CEP128: variants seen among roughly 807,000 people sequenced by gnomAD.
CEP128 encodes the protein centrosomal protein 128kDa.
A neutral mutation model predicts 156.7 loss-of-function variants in CEP128; 132 were observed. The ratio of observed to expected loss-of-function variants is 0.84; its 90% CI spans 0.73 to 0.97. The LOEUF (loss-of-function observed/expected upper bound fraction) is 0.97. CEP128 is among the 50% of genes least tolerant of loss of function. The pLI is 0.00. For synonymous variants in CEP128, 469 were observed against 448.9 expected (o/e 1.04, Z -0.57); for missense variants, 1,252 against 1,281.9 (o/e 0.98, Z 0.36).
At chr14:80,489,267 TAAA>T (rs35135843), downstream of CEP128, among the ~76,000 whole-genome samples, 2,815 of 108,030 alleles carry the variant, frequency 0.026, 50 homozygotes, top group Middle Eastern at 0.066. Flanking sequence ...TTGTAAAAGC[TAAA>T]AAAAAAAAAA....
At chr14:80,572,757 G>A (rs576830203) in intron 20 of CEP128, among the ~76,000 whole-genome samples, 12 of 152,286 alleles carry the variant, frequency 7.9e-5, no homozygotes, top group Admixed American at 6.5e-4. Context: ...CAATGCCCAT[G>A]GAGCTCAGAG....
intron 11 of CEP128, among the ~76,000 whole-genome samples, chr14:80,837,426 T>A (rs1595477993): frequency 2.0e-5 from 3 of 152,186 alleles, no homozygotes; most frequent in African/African-American, 7.2e-5. Flanking sequence ...ACTTTAAAAT[T>A]AAGCCTTATC....
intron 13 of CEP128, among the ~76,000 whole-genome samples, chr14:80,794,863 G>A (rs1248305038): frequency 6.6e-6 from 1 of 151,992 alleles, no homozygotes; most frequent in Admixed American, 6.6e-5. Context: ...TGATGCATAA[G>A]CTGAGATTTA....
intron 21 of CEP128, among the ~76,000 whole-genome samples, chr14:80,550,940 AAGAC>A (rs1309147683): frequency 6.6e-6 from 1 of 152,028 alleles, no homozygotes; most frequent in African/African-American, 2.4e-5. Context: ...TTGTTTGAAT[AAGAC>A]AGGGTTTCAT....
At chr14:80,839,609 T>C (rs1357467982) in intron 10 of CEP128, among the ~76,000 whole-genome samples, 2 of 152,192 alleles carry the variant, frequency 1.3e-5, no homozygotes, top group East Asian at 1.9e-4. Flanking sequence ...GGTTTTGATA[T>C]TGAATGGCAA....
chr14:80,694,515 G>A (rs774293400), intron 19 of CEP128, among the ~76,000 whole-genome samples: 3 of 152,082 alleles, frequency 2.0e-5, no homozygotes, highest in Non-Finnish European at 2.9e-5. Flanking sequence ...GCCCATCAAC[G>A]ATAGACTGGA....
chr14:80,691,136 T>C (rs1241477674), intron 19 of CEP128, among the ~76,000 whole-genome samples: 1 of 152,228 alleles, frequency 6.6e-6, no homozygotes, highest in African/African-American at 2.4e-5. Flanking sequence ...GTTAATTTTA[T>C]GCTAAAATCC....
chr14:80,886,905 CAT>C (rs1888834895), intron 8 of CEP128, among the ~76,000 whole-genome samples: 1 of 152,146 alleles, frequency 6.6e-6, no homozygotes, highest in African/African-American at 2.4e-5. Context: ...CAAAGACACA[CAT>C]AGGCTCAAAA....
chr14:80,610,309 G>C (rs560263576), intron 19 of CEP128, among the ~76,000 whole-genome samples: 147 of 152,014 alleles, frequency 9.7e-4, no homozygotes, highest in Non-Finnish European at 1.6e-3. Flanking sequence ...TTTATCATCT[G>C]TCTGATTATT....
chr14:80,934,529 A>G (rs963876100), intron 2 of CEP128, among the ~76,000 whole-genome samples: 4 of 152,294 alleles, frequency 2.6e-5, no homozygotes, highest in Admixed American at 2.0e-4. Flanking sequence ...GCTTGGCTTA[A>G]CCTCAGGCCA....
intron 18 of CEP128, among the ~76,000 whole-genome samples, chr14:80,754,688 T>A (rs1186595674): frequency 1.3e-5 from 2 of 151,754 alleles, no homozygotes; most frequent in Non-Finnish European, 2.9e-5. Flanking sequence ...GGTCTCAATC[T>A]CCTGACCTCA....
chr14:80,493,780 C>G (rs973272183), downstream of CEP128, among the ~76,000 whole-genome samples: 42 of 152,120 alleles, frequency 2.8e-4, no homozygotes, highest in African/African-American at 1.0e-3. Flanking sequence ...GTGACTTGTG[C>G]TGGGCTTGAA....
intron 4 of CEP128, among the ~76,000 whole-genome samples, chr14:80,913,903 G>C (rs910976787): frequency 3.3e-5 from 5 of 152,154 alleles, no homozygotes; most frequent in Non-Finnish European, 5.9e-5. Flanking sequence ...AAAACCACTT[G>C]TTCCACTACA....
rs1422001184 is a variant in CEP128 at position 80,809,189 on chromosome 14, A to T, written c.1210-16079T>A. On this transcript the variant is annotated intron_variant, in intron 13 of 24. Transcript: ENST00000555265. ...TACAGATATCATAAAAATGAACCAGACAAGAATTCTGGAATTGAAGAATTC... is the reference window on the plus strand; with the variant it reads ...TACAGATATCATAAAAATGAACCAGTCAAGAATTCTGGAATTGAAGAATTC... 1.3e-5 allele frequency among the ~76,000 whole-genome samples: 2 copies of T among 152,202 alleles called. 1 individual carries two copies. Among genetic ancestry groups the T allele is most frequent in the Non-Finnish European group, 2.9e-5 (2 of 68,030 alleles).
At chr14:80,851,864 CA>C (rs1427672917) in intron 9 of CEP128, among the ~76,000 whole-genome samples, 1 of 151,630 alleles carries the variant, frequency 6.6e-6, no homozygotes, top group Non-Finnish European at 1.5e-5. Context: ...ATGTTAAAAT[CA>C]AGAGGCACAC....
At chr14:80,494,646 C>A (rs144785592), downstream of CEP128, among the ~76,000 whole-genome samples, 359 of 152,202 alleles carry the variant, frequency 2.4e-3, no homozygotes, top group African/African-American at 8.1e-3. Context: ...TATCACTGAA[C>A]TGAGACTCAA....
intron 19 of CEP128, among the ~76,000 whole-genome samples, chr14:80,723,115 C>T (rs564566337): frequency 6.6e-6 from 1 of 152,006 alleles, no homozygotes; most frequent in African/African-American, 2.4e-5. Flanking sequence ...CATGAGCCAC[C>T]GCACCCGGCC....
rs560471762 is a variant in CEP128, at chr14:80,785,835, A to C, written c.1561-290T>G. 5.9e-5 allele frequency among the ~76,000 whole-genome samples: 9 copies of C among 152,274 alleles called. No homozygotes were observed. The South Asian group carries it at 6.2e-4, about 11-fold the overall frequency. ...CAAATAATTATTTAAATGTAAGATAAAATTGAGCAAACAAATGGGGAAAGC... is the reference window on the plus strand; with the variant it reads ...CAAATAATTATTTAAATGTAAGATACAATTGAGCAAACAAATGGGGAAAGC... On this transcript the variant is annotated intron_variant, in intron 14 of 24. Transcript: ENST00000555265.
upstream of CEP128, among the ~76,000 whole-genome samples, chr14:80,946,072 C>A (rs1886332619): frequency 6.6e-6 from 1 of 152,130 alleles, no homozygotes; most frequent in African/African-American, 2.4e-5. Context: ...TCTTCCTCTT[C>A]TAAATGTGGA....
Sources: allele counts gnomAD v4.1 joint callset (sites outside exome capture counted in the v4.1 genomes callset), GRCh38; gene constraint gnomAD v4.1.1; transcripts MANE v1.5; gene names NCBI Gene and HGNC (gene_info 2026-07-23, HGNC 2026-07-21).